ZZEF1: variants seen among roughly 807,000 people sequenced by gnomAD.
ZZEF1 encodes zinc finger ZZ-type and EF-hand domain containing 1.
In ZZEF1, 157 loss-of-function variants were observed where a neutral mutation model predicts 342.8. That is an observed-to-expected ratio of 0.46 (90% CI 0.40 to 0.52). The LOEUF (loss-of-function observed/expected upper bound fraction) is 0.52, where lower values mean the gene tolerates loss of function less well. Ranked by LOEUF, ZZEF1 falls within the 20% of genes least tolerant of loss-of-function variation. The pLI is 0.00. For synonymous variants in ZZEF1, 1,505 were observed against 1,429.1 expected, an observed-to-expected ratio of 1.05 and a Z score of -1.20; for missense variants, 3,480 against 3,725.6, an observed-to-expected ratio of 0.93 and a Z score of 1.72.
intron 3 of ZZEF1, among the ~76,000 whole-genome samples, chr17:4,115,525 C>T (rs7209804): frequency 0.96 from 145,502 of 152,062 alleles, 69,969 homozygotes; most frequent in East Asian, 1. Context: ...CAGCCAGGCA[C>T]GGTGGCACGT....
At position 4,086,720 on chromosome 17, in the gene ZZEF1, T is replaced by C. The variant is rs1390069878; in HGVS notation, c.2343-65A>G. 10 of 1,557,950 alleles carry C rather than the reference T, an allele frequency of 6.4e-6. No homozygotes were observed. The East Asian group carries it at 9.0e-5, about 14-fold the overall frequency. The stretch of plus-strand genomic sequence containing the variant: ...GTTGCATTTACTCTCCAAAGCCATA[T>C]AGCTGTCTACAAAGGACTTTCCTCT... On this transcript the variant is annotated intron_variant, in intron 14 of 54. Coordinates refer to ENST00000381638, the MANE Select transcript of ZZEF1 (RefSeq NM_015113.4).
intron 6 of ZZEF1, among the ~76,000 whole-genome samples, 184 bp downstream of exon 6, chr17:4,109,469 C>T (rs955129302): frequency 2.6e-5 from 4 of 152,040 alleles, no homozygotes; most frequent in African/African-American, 4.8e-5. Context: ...AAAGTCAGAA[C>T]GTCAATCAAA....
chr17:4,069,692 G>A (rs1326172048), intron 26 of ZZEF1, among the ~76,000 whole-genome samples: 2 of 152,140 alleles, frequency 1.3e-5, no homozygotes, highest in Non-Finnish European at 2.9e-5. Context: ...TTAGCCGGGC[G>A]TGTTGATGGG....
Position 4,024,186 on chromosome 17 carries a change from GTTTTTTTTTTTTTT to G in ZZEF1, c.7092+719_7092+732del, listed in dbSNP as rs754985234. Among the ~76,000 whole-genome samples, 11 of 94,430 alleles carry G rather than the reference GTTTTTTTTTTTTTT, an allele frequency of 1.2e-4. 1 individual carries two copies. Among genetic ancestry groups the G allele is most frequent in the East Asian group, 3.3e-4 (1 of 3,038 alleles). The allele number at this position is 94,430 out of a possible 152,430, so 61.9% of individuals were successfully genotyped here. Reference sequence around the variant, plus strand: ...CATCTCCATGCCAAATATTGCCCAGGTTTTTTTTTTTTTTTTTTTTTTTTTTTTACAGAGGGAGT... The same window carrying G: ...CATCTCCATGCCAAATATTGCCCAGGTTTTTTTTTTTTTTACAGAGGGAGT... On this transcript the variant is annotated intron_variant, in intron 43 of 54. Coordinates refer to ENST00000381638, the MANE Select transcript of ZZEF1 (RefSeq NM_015113.4).
At chr17:4,033,900 G>A in intron 40 of ZZEF1, 115 bp downstream of exon 40, 1 of 1,384,758 alleles carries the variant, frequency 7.2e-7, no homozygotes, top group South Asian at 1.4e-5. Context: ...AAAACTCTCA[G>A]ACAACACAAC....
At position 4,096,519 on chromosome 17, in the gene ZZEF1, T is replaced by C. The variant is rs1002992525; in HGVS notation, c.1764+90A>G. On this transcript the variant is annotated intron_variant, in intron 10 of 54. Transcript: ENST00000381638. ...CATGCCTGTATCAAAACACCTCATG[T>C]ACCCCACAAATATATATACCTACTA... The C allele has an allele frequency of 2.0e-5, 22 of 1,090,702 alleles. 1 individual carries two copies. The highest frequency in any genetic ancestry group is 3.0e-5 in the Non-Finnish European group (22 of 723,444). The allele number at this position is 1,090,702 out of a possible 1,614,324, so 67.6% of individuals were successfully genotyped here. A position where few individuals can be genotyped will look rare whatever the true frequency, so the allele number is the denominator to read the frequency against.
intron 1 of ZZEF1, among the ~76,000 whole-genome samples, chr17:4,128,546 G>A (rs1229988213): frequency 2.0e-5 from 3 of 148,822 alleles, no homozygotes; most frequent in Non-Finnish European, 3.0e-5. Flanking sequence ...TGCAACCTCT[G>A]CCTCCCAGGT....
chr17:4,053,817 C>T (rs1431018451), intron 34 of ZZEF1, among the ~76,000 whole-genome samples: 1 of 152,148 alleles, frequency 6.6e-6, no homozygotes, highest in Non-Finnish European at 1.5e-5. Context: ...ACACTGGTCC[C>T]GAGTGTTTAT....
At chr17:4,049,551 G>A (rs75249501) in intron 37 of ZZEF1, among the ~76,000 whole-genome samples, 157 bp downstream of exon 37, 6,081 of 152,202 alleles carry the variant, frequency 0.04, 141 homozygotes, top group East Asian at 0.072. Context: ...CTGAAGAGAT[G>A]ATAACAACAT....
At chr17:4,070,398 A>G (rs2057484916) in intron 26 of ZZEF1, among the ~76,000 whole-genome samples, 1 of 152,188 alleles carries the variant, frequency 6.6e-6, no homozygotes, top group Admixed American at 6.5e-5. Flanking sequence ...ACCCAAGTTA[A>G]GGTTTCTTTC....
intron 37 of ZZEF1, 82 bp downstream of exon 37, chr17:4,049,626 C>A (rs2057001638): frequency 6.5e-7 from 1 of 1,546,064 alleles, no homozygotes; most frequent in African/African-American, 1.4e-5. Flanking sequence ...GTGCTCTTAA[C>A]CTCTCTGCTA....
intron 43 of ZZEF1, among the ~76,000 whole-genome samples, chr17:4,024,147 A>C (rs1019274203): frequency 2.8e-5 from 4 of 143,808 alleles, no homozygotes; most frequent in African/African-American, 1.0e-4. Flanking sequence ...GGAAATTCTC[A>C]TAAGTCAGCT....
chr17:4,104,144 G>A (rs896637190), intron 8 of ZZEF1, among the ~76,000 whole-genome samples: 4 of 152,186 alleles, frequency 2.6e-5, no homozygotes, highest in African/African-American at 7.2e-5. Context: ...CCCAAGGGGG[G>A]AAAGCAGTGG....
At chr17:4,137,187 T>C (rs1310750465) in intron 1 of ZZEF1, among the ~76,000 whole-genome samples, 1 of 152,178 alleles carries the variant, frequency 6.6e-6, no homozygotes, top group Non-Finnish European at 1.5e-5. Context: ...GGTGGTATTT[T>C]GGAAATCAGG....
chr17:4,045,617 C>CA (rs2056896626), intron 37 of ZZEF1, among the ~76,000 whole-genome samples: 2 of 152,124 alleles, frequency 1.3e-5, no homozygotes, highest in Admixed American at 6.6e-5. Context: ...GGCTGTGGGA[C>CA]AGAGTTGTGG....
chr17:4,130,210 T>C (rs1480733849), intron 1 of ZZEF1, among the ~76,000 whole-genome samples: 2 of 152,096 alleles, frequency 1.3e-5, no homozygotes, highest in African/African-American at 4.8e-5. Context: ...TCCCAGCACT[T>C]TGGGAAGCTG....
Position 4,034,026 on chromosome 17 carries a change from C to T in ZZEF1, c.6573G>A (p.Val2191=). 1 of 1,614,042 alleles carries T rather than the reference C, an allele frequency of 6.2e-7. No individual in the cohort carries two copies. Among genetic ancestry groups the T allele is most frequent in the East Asian group, 2.2e-5 (1 of 44,888 alleles). ...TTHLLFSLGA[V]CLDSRVGLDW... is the part of the protein sequence containing the mutation. Reference sequence around the variant, plus strand: ...AGGACCAAGGCTACCTGTCCAGACACACAGCTCCCAGGCTAAAGAGCAGGT... The same window carrying T: ...AGGACCAAGGCTACCTGTCCAGACATACAGCTCCCAGGCTAAAGAGCAGGT... Residue 2191 remains valine, a synonymous_variant, in exon 40 of 55, where the codon GTG becomes GTA. Transcript: ENST00000381638.
chr17:4,124,749 C>T (rs946872068), intron 1 of ZZEF1, among the ~76,000 whole-genome samples: 2 of 152,010 alleles, frequency 1.3e-5, no homozygotes, highest in African/African-American at 4.8e-5. Flanking sequence ...TGGGCCACCG[C>T]GTCTGCCTGG....
intron 37 of ZZEF1, among the ~76,000 whole-genome samples, chr17:4,048,873 A>T (rs1046664338): frequency 3.0e-5 from 4 of 133,752 alleles, no homozygotes; most frequent in African/African-American, 8.4e-5. Context: ...AGCCTGGATA[A>T]TTTTTTTTTT....
Sources: allele counts gnomAD v4.1 joint callset (sites outside exome capture counted in the v4.1 genomes callset), GRCh38; gene constraint gnomAD v4.1.1; transcripts MANE v1.5; gene names NCBI Gene and HGNC (gene_info 2026-07-23, HGNC 2026-07-21).